CASP6: variants seen among roughly 807,000 people sequenced by gnomAD.
CASP6 encodes caspase-6.
A neutral mutation model predicts 31.8 loss-of-function variants in CASP6; 20 were observed. The observed-to-expected ratio is 0.63, with a 90% confidence interval of 0.44 to 0.91. The LOEUF (loss-of-function observed/expected upper bound fraction) is 0.91, where lower values mean the gene tolerates loss of function less well. CASP6 is among the 40% of genes least tolerant of loss of function. The pLI is 0.00. For missense variants in CASP6, 328 were observed against 361.1 expected, an observed-to-expected ratio of 0.91 and a Z score of 0.74; for synonymous variants, 130 against 127.8, an observed-to-expected ratio of 1.02 and a Z score of -0.12.
At chr4:109,682,289 AAAT>A in the CASP6 span, among the ~76,000 whole-genome samples, 11 of 151,036 alleles carry the variant, frequency 7.3e-5, no homozygotes, top group African/African-American at 2.2e-4. Flanking sequence ...CTTCAGCTGA[AAAT>A]AATCCTTATG....
chr4:109,682,622 G>T, the CASP6 span: 5 of 1,613,264 alleles, frequency 3.1e-6, no homozygotes, highest in Non-Finnish European at 4.2e-6. Context: ...TGGAACACAT[G>T]AAATCTTTGG....
the CASP6 span, among the ~76,000 whole-genome samples, chr4:109,680,107 G>C: frequency 1.3e-5 from 2 of 152,068 alleles, no homozygotes; most frequent in Non-Finnish European, 2.9e-5. Context: ...TGGCCTGAGG[G>C]TATAAATTTT....
At chr4:109,686,882 TAA>T (rs1259452855), downstream of CASP6, among the ~76,000 whole-genome samples, 1 of 150,900 alleles carries the variant, frequency 6.6e-6, no homozygotes, top group Non-Finnish European at 1.5e-5. Flanking sequence ...ATCTCTAAAA[TAA>T]AAAAATTTAA....
At position 109,689,505 on chromosome 4, in the gene CASP6, A is replaced by G; in HGVS notation, c.707T>C (p.Leu236Ser). The G allele has an allele frequency of 6.2e-7, 1 of 1,614,198 alleles. No homozygotes were observed. The highest frequency in any genetic ancestry group is 8.5e-7 in the Non-Finnish European group (1 of 1,180,038). Residue 236 changes from leucine (L) to serine (S), a missense_variant, in exon 7 of 7, where the codon TTG becomes TCG. Transcript: ENST00000265164. ...CTCTAAGGAGGAGCCATATTTTCCC[A>G]ACATCTCACACAAATCTTGAATGTA... ...SWYIQDLCEM[L>S]GKYGSSLEFT...
At chr4:109,699,475 A>C (rs1730352834) in intron 1 of CASP6, among the ~76,000 whole-genome samples, 1 of 152,184 alleles carries the variant, frequency 6.6e-6, no homozygotes, top group African/African-American at 2.4e-5. Context: ...AACTGCCCCA[A>C]GCAATGAGAC....
chr4:109,687,632 T>C (rs1729881213), downstream of CASP6: 1 of 1,357,268 alleles, frequency 7.4e-7, no homozygotes, highest in Non-Finnish European at 1.0e-6. Flanking sequence ...CCATTATGTA[T>C]TGATTTTGCA....
the CASP6 span, among the ~76,000 whole-genome samples, chr4:109,680,662 T>C: frequency 6.6e-6 from 1 of 152,156 alleles, no homozygotes; most frequent in Non-Finnish European, 1.5e-5. Context: ...GCCTAGACTA[T>C]GGAAGGGGGT....
the CASP6 span, among the ~76,000 whole-genome samples, chr4:109,677,844 AT>A: frequency 1.3e-5 from 1 of 76,420 alleles, no homozygotes; most frequent in Non-Finnish European, 2.5e-5. Context: ...TTTATTGATC[AT>A]TCTTGGGTGT....
the CASP6 span, among the ~76,000 whole-genome samples, chr4:109,679,871 G>A: frequency 1.3e-5 from 2 of 151,982 alleles, no homozygotes; most frequent in African/African-American, 4.8e-5. Flanking sequence ...GTGCAATCTC[G>A]GCTCACTGCA....
the CASP6 span, among the ~76,000 whole-genome samples, chr4:109,672,993 C>T: frequency 1.9e-4 from 29 of 152,182 alleles, no homozygotes; most frequent in Non-Finnish European, 3.1e-4. Flanking sequence ...GAACATTATG[C>T]GGGATTTTCA....
chr4:109,687,648 G>T, downstream of CASP6: 1 of 1,105,240 alleles, frequency 9.0e-7, no homozygotes, highest in South Asian at 1.3e-5. Context: ...TTGCAACTTA[G>T]GATGTTTTTG....
chr4:109,699,021 A>G (rs904128189), intron 1 of CASP6, among the ~76,000 whole-genome samples: 1 of 152,208 alleles, frequency 6.6e-6, no homozygotes, highest in Admixed American at 6.5e-5. Flanking sequence ...GCACTGTCTC[A>G]TAAGGTAGCC....
At chr4:109,703,330 G>T (rs1454561621) in intron 1 of CASP6, 26 bp downstream of exon 1, 3 of 1,601,270 alleles carry the variant, frequency 1.9e-6, no homozygotes, top group Non-Finnish European at 2.6e-6. Flanking sequence ...GACCTGCTCG[G>T]TGCCCAGTCG....
intron 5 of CASP6, among the ~76,000 whole-genome samples, chr4:109,691,736 TTTAGAGGTGATTA>T (rs1270131576): frequency 1.3e-5 from 2 of 152,162 alleles, no homozygotes; most frequent in African/African-American, 2.4e-5. Flanking sequence ...AGACAGGGCC[TTTAGAGGTGATTA>T]AGGAAAATGA....
At chr4:109,686,670 T>C (rs1459189915), downstream of CASP6, among the ~76,000 whole-genome samples, 2 of 152,068 alleles carry the variant, frequency 1.3e-5, no homozygotes, top group African/African-American at 4.8e-5. Flanking sequence ...GTCCAGAAAT[T>C]GGAGACCAGT....
chr4:109,684,018 C>G (rs1204569982), downstream of CASP6, among the ~76,000 whole-genome samples: 1 of 151,332 alleles, frequency 6.6e-6, no homozygotes, highest in Non-Finnish European at 1.5e-5. Flanking sequence ...TATGTCTGAC[C>G]TCTTCAAAGT....
intron 1 of CASP6, among the ~76,000 whole-genome samples, chr4:109,702,456 A>C (rs1276436820): frequency 6.6e-6 from 1 of 151,550 alleles, no homozygotes. Context: ...CAGCCTCCCC[A>C]GTAGCTTGCG....
At chr4:109,673,739 G>A in the CASP6 span, 5 of 518,124 alleles carry the variant, frequency 9.7e-6, no homozygotes, top group Non-Finnish European at 1.7e-5. Context: ...TCACAAGGAA[G>A]ACACATAAAT....
At chr4:109,687,609 G>A, downstream of CASP6, 1 of 1,545,852 alleles carries the variant, frequency 6.5e-7, no homozygotes, top group Non-Finnish European at 8.9e-7. Flanking sequence ...AGTTTTAAAT[G>A]TCGTCAGATT....
Sources: allele counts gnomAD v4.1 joint callset (sites outside exome capture counted in the v4.1 genomes callset), GRCh38; gene constraint gnomAD v4.1.1; transcripts MANE v1.5; gene names NCBI Gene and HGNC (gene_info 2026-07-23, HGNC 2026-07-21).